Variants in GLIS3 observed in about 807,000 individuals in gnomAD.
GLIS3 encodes the protein zinc finger protein GLIS3.
In GLIS3, 53 loss-of-function variants were observed where a neutral mutation model predicts 78.6. That is an observed-to-expected ratio of 0.67 (90% CI 0.54 to 0.85). The LOEUF (loss-of-function observed/expected upper bound fraction) is 0.85, where lower values mean the gene tolerates loss of function less well. GLIS3 is among the 40% of genes least tolerant of loss of function. The pLI, the probability that GLIS3 is intolerant of heterozygous loss-of-function variation, is 0.00. For synonymous variants in GLIS3, 684 were observed against 509.9 expected (o/e 1.34, Z -4.60); for missense variants, 1,703 against 1,231.1 (o/e 1.38, Z -5.74).
chr9:4,348,212 G>A (rs750345117), intron 1 of GLIS3: 36 of 152,212 alleles, frequency 2.4e-4, no homozygotes, highest in Non-Finnish European at 2.8e-4. Context: ...AAATAAAGCT[G>A]AAATATATTT....
intron 6 of GLIS3, among the ~76,000 whole-genome samples, chr9:3,925,262 TATCATAGCATTTCCCCC>T (rs1258474775): frequency 2.0e-5 from 3 of 152,174 alleles, no homozygotes; most frequent in African/African-American, 7.2e-5. Flanking sequence ...TGTGTGACTT[TATCATAGCATTTCCCCC>T]ACTATACTGA....
intron 2 of GLIS3, among the ~76,000 whole-genome samples, chr9:4,131,584 C>T (rs1832976400): frequency 6.6e-6 from 1 of 152,168 alleles, no homozygotes. Context: ...CCTCCTGCTC[C>T]AGCCATGTAA....
At chr9:4,088,131 T>C (rs2380935) in intron 4 of GLIS3, among the ~76,000 whole-genome samples, 108,565 of 152,056 alleles carry the variant, frequency 0.71, 39,260 homozygotes, top group African/African-American at 0.82. Flanking sequence ...ATTCAACTTC[T>C]GAAAGGGAGA....
intron 7 of GLIS3, among the ~76,000 whole-genome samples, chr9:3,894,375 C>G (rs561006339): frequency 7.2e-4 from 109 of 152,294 alleles, no homozygotes; most frequent in Admixed American, 2.2e-3. Flanking sequence ...TGAGAACAGA[C>G]TATATGAAGC....
chr9:4,182,460 T>C (rs529037219), intron 2 of GLIS3, among the ~76,000 whole-genome samples: 35 of 152,300 alleles, frequency 2.3e-4, no homozygotes, highest in Non-Finnish European at 4.4e-4. Flanking sequence ...CTGAAACTTC[T>C]CCACACTGTC....
intron 2 of GLIS3, chr9:4,152,125 G>T: frequency 1.0e-6 from 1 of 983,394 alleles, no homozygotes; most frequent in Non-Finnish European, 1.2e-6. Context: ...TCTATTAGTT[G>T]CCACTTCAGC....
At chr9:4,114,121 C>T (rs1171783906) in intron 4 of GLIS3, among the ~76,000 whole-genome samples, 1 of 152,180 alleles carries the variant, frequency 6.6e-6, no homozygotes, top group African/African-American at 2.4e-5. Context: ...ATCCTAGCAA[C>T]AGAACCCTGG....
chr9:3,902,034 C>A (rs1013286895), intron 6 of GLIS3, among the ~76,000 whole-genome samples: 3 of 152,164 alleles, frequency 2.0e-5, no homozygotes, highest in Non-Finnish European at 4.4e-5. Flanking sequence ...GTTACCCGTA[C>A]CAACGAGGTC....
At chr9:4,425,049 C>T in the GLIS3 span, among the ~76,000 whole-genome samples, 1 of 152,076 alleles carries the variant, frequency 6.6e-6, no homozygotes, top group Admixed American at 6.6e-5. Flanking sequence ...CATATGAACA[C>T]AATGACTGGA....
chr9:4,231,302 G>A (rs1170242726), intron 2 of GLIS3, among the ~76,000 whole-genome samples: 2 of 152,154 alleles, frequency 1.3e-5, no homozygotes, highest in Non-Finnish European at 2.9e-5. Flanking sequence ...CAGTAAATTT[G>A]AAGATAATGG....
intron 4 of GLIS3, among the ~76,000 whole-genome samples, chr9:3,974,816 G>A (rs1818644139): frequency 6.6e-6 from 1 of 152,072 alleles, no homozygotes; most frequent in African/African-American, 2.4e-5. Flanking sequence ...AGTTCGCTCA[G>A]GCAATTTCAT....
chr9:4,039,404 C>T (rs756065949), intron 4 of GLIS3, among the ~76,000 whole-genome samples: 1 of 152,218 alleles, frequency 6.6e-6, no homozygotes, highest in Non-Finnish European at 1.5e-5. Context: ...CTCTCTCTCT[C>T]TCTTCCAGAC....
At chr9:3,851,512 C>G (rs919172522) in intron 9 of GLIS3, among the ~76,000 whole-genome samples, 15 of 152,194 alleles carry the variant, frequency 9.9e-5, no homozygotes, top group African/African-American at 3.6e-4. Flanking sequence ...CAAACCTGAG[C>G]TCTGGTCCTG....
chr9:4,180,537 C>A (rs1817218267), intron 2 of GLIS3, among the ~76,000 whole-genome samples: 1 of 152,158 alleles, frequency 6.6e-6, no homozygotes, highest in Admixed American at 6.5e-5. Context: ...ATAGTTGGCA[C>A]TCACCAAGTA....
chr9:4,116,979 A>G (rs940555754), intron 4 of GLIS3, among the ~76,000 whole-genome samples: 12 of 152,220 alleles, frequency 7.9e-5, no homozygotes, highest in Non-Finnish European at 1.6e-4. Flanking sequence ...TTGTGAAACC[A>G]TTTAAGAATC....
At chr9:4,484,261 G>A in the GLIS3 span, among the ~76,000 whole-genome samples, 5 of 145,042 alleles carry the variant, frequency 3.4e-5, no homozygotes, top group Non-Finnish European at 6.0e-5. Context: ...TTTTTGAGAC[G>A]GAGTCTCGCT....
chr9:3,984,943 G>C (rs1819613887), intron 4 of GLIS3, among the ~76,000 whole-genome samples: 1 of 152,072 alleles, frequency 6.6e-6, no homozygotes. Context: ...TGTAAGATGT[G>C]ACTTGCTCGT....
At chr9:4,350,580 A>C (rs1165876632), upstream of GLIS3, among the ~76,000 whole-genome samples, 2 of 152,162 alleles carry the variant, frequency 1.3e-5, no homozygotes, top group Non-Finnish European at 2.9e-5. Context: ...CTGCTTTATT[A>C]TCTCTATTTT....
At chr9:3,842,006 A>G (rs1035317897) in intron 9 of GLIS3, among the ~76,000 whole-genome samples, 2 of 152,218 alleles carry the variant, frequency 1.3e-5, no homozygotes, top group African/African-American at 4.8e-5. Flanking sequence ...AAGAATGAAG[A>G]TTTAATTTTA....
Sources: allele counts gnomAD v4.1 joint callset (sites outside exome capture counted in the v4.1 genomes callset), GRCh38; gene constraint gnomAD v4.1.1; transcripts MANE v1.5; gene names NCBI Gene and HGNC (gene_info 2026-07-23, HGNC 2026-07-21).